Variants in DLEU7 observed in about 807,000 individuals in gnomAD.
DLEU7 encodes the protein leukemia-associated protein 7.
Under a neutral mutation model 16.0 loss-of-function variants are expected in DLEU7, and 17 were observed. That is an observed-to-expected ratio of 1.06 (90% CI 0.73 to 1.59). The LOEUF is 1.59. Among genes scored for constraint, DLEU7 ranks in the 40% most tolerant of loss-of-function variants. DLEU7 has a pLI of 0.00. For synonymous variants in DLEU7, 113 were observed against 139.8 expected (o/e 0.81, Z 1.35); for missense variants, 308 against 314.9 (o/e 0.98, Z 0.17).
chr13:50,722,837 C>T (rs1482464970), intron 1 of DLEU7, among the ~76,000 whole-genome samples: 2 of 152,184 alleles, frequency 1.3e-5, no homozygotes, highest in African/African-American at 4.8e-5. Context: ...TACAGAGATT[C>T]TGTGTACCCT....
chr13:50,778,810 G>A (rs9596363), intron 1 of DLEU7, among the ~76,000 whole-genome samples: 9,268 of 152,230 alleles, frequency 0.061, 834 homozygotes, highest in African/African-American at 0.19. Context: ...CCTATGAGCC[G>A]TGAATTTAAA....
intron 1 of DLEU7, among the ~76,000 whole-genome samples, chr13:50,762,189 C>CAAA (rs71085045): frequency 0.018 from 1,533 of 83,874 alleles, 40 homozygotes; most frequent in African/African-American, 0.059. Flanking sequence ...AGACTCGTCT[C>CAAA]AAAAAAAAAA....
downstream of DLEU7, among the ~76,000 whole-genome samples, chr13:50,820,854 C>T (rs1876881105): frequency 6.6e-6 from 1 of 152,070 alleles, no homozygotes; most frequent in Non-Finnish European, 1.5e-5. Flanking sequence ...CTTAACCCAA[C>T]ATATTCAAAA....
intron 1 of DLEU7, among the ~76,000 whole-genome samples, chr13:50,737,175 A>C (rs757943158): frequency 3.9e-5 from 6 of 152,182 alleles, no homozygotes; most frequent in Non-Finnish European, 8.8e-5. Flanking sequence ...GACATTTAAA[A>C]AGAAAAAACT....
Position 50,776,627 on chromosome 13 carries a change from A to T in DLEU7, c.460-63387T>A, listed in dbSNP as rs979137248. On this transcript the variant is annotated intron_variant, in intron 1 of 1. Coordinates refer to the DLEU7 transcript ENST00000400393. ...TAACCCAAGTCTCTTGGTCACTAAGACAGGAAACTACCTCACCCCCAAATC... is the reference window on the plus strand; with the variant it reads ...TAACCCAAGTCTCTTGGTCACTAAGTCAGGAAACTACCTCACCCCCAAATC... Among the ~76,000 whole-genome samples, 3 of 152,314 alleles carry T rather than the reference A, an allele frequency of 2.0e-5. No individual in the cohort carries two copies. The Middle Eastern group carries it at 0.01, about 518-fold the overall frequency.
intron 1 of DLEU7, among the ~76,000 whole-genome samples, chr13:50,827,180 T>C (rs1476643097): frequency 6.6e-6 from 1 of 152,158 alleles, no homozygotes; most frequent in Non-Finnish European, 1.5e-5. Context: ...GACGGTTCAT[T>C]TTGGAGCAAG....
chr13:50,790,757 A>G (rs1183720555), intron 1 of DLEU7, among the ~76,000 whole-genome samples: 1 of 152,144 alleles, frequency 6.6e-6, no homozygotes, highest in Non-Finnish European at 1.5e-5. Flanking sequence ...CAGGTGAGAC[A>G]ATAGAAGCCA....
At position 50,766,056 on chromosome 13, in the gene DLEU7, G is replaced by T. The variant is rs374230383; in HGVS notation, c.460-52816C>A. ...GGGTGGGGTGGAGAGAAAAGGATGC[G>T]TGTAGCTTTGCCTCAGCAAGTTTCA... On this transcript the variant is annotated intron_variant, in intron 1 of 1. Transcript: ENST00000400393. 3.9e-5 allele frequency among the ~76,000 whole-genome samples: 6 copies of T among 152,272 alleles called. No individual in the cohort carries two copies. In the South Asian group the frequency reaches 1.2e-3, roughly 32 times the overall value.
At chr13:50,724,980 T>C (rs1873727728) in intron 1 of DLEU7, among the ~76,000 whole-genome samples, 1 of 152,216 alleles carries the variant, frequency 6.6e-6, no homozygotes. Context: ...AAGGCCTTCC[T>C]ACCGCAGGTG....
upstream of DLEU7, chr13:50,843,830 C>A (rs1025964466): frequency 1.3e-6 from 1 of 765,406 alleles, no homozygotes; most frequent in Non-Finnish European, 1.9e-6. The surrounding 1 kb of genome is among the most constrained non-coding windows in gnomAD (Gnocchi z 5.7). Flanking sequence ...CCTCTGCCTT[C>A]GCCTGAAGTC....
intron 1 of DLEU7, among the ~76,000 whole-genome samples, chr13:50,813,489 A>G (rs910377311): frequency 6.6e-6 from 1 of 152,122 alleles, no homozygotes; most frequent in African/African-American, 2.4e-5. Context: ...AAATTATACA[A>G]ATTTCCCTCT....
intron 1 of DLEU7, among the ~76,000 whole-genome samples, chr13:50,771,586 C>G (rs1180804362): frequency 1.3e-5 from 2 of 152,216 alleles, no homozygotes; most frequent in Non-Finnish European, 1.5e-5. Flanking sequence ...GAGTGAGTTT[C>G]TTAATCCTGA....
intron 1 of DLEU7, among the ~76,000 whole-genome samples, chr13:50,756,428 A>T (rs1874759970): frequency 6.6e-6 from 1 of 152,184 alleles, no homozygotes; most frequent in East Asian, 1.9e-4. Context: ...TTCCCAGGTC[A>T]ATGGAGTTGT....
intron 1 of DLEU7, among the ~76,000 whole-genome samples, chr13:50,773,670 A>T (rs1266894839): frequency 1.3e-5 from 2 of 152,018 alleles, no homozygotes; most frequent in East Asian, 3.9e-4. Flanking sequence ...GCATCCAGCT[A>T]TATGAAGTGT....
intron 1 of DLEU7, chr13:50,713,260 A>G: frequency 6.2e-7 from 1 of 1,607,084 alleles, no homozygotes; most frequent in Non-Finnish European, 8.5e-7. Flanking sequence ...ATGTAGCATA[A>G]TATCTCAAAT....
intron 1 of DLEU7, among the ~76,000 whole-genome samples, chr13:50,741,270 G>A (rs1874243682): frequency 6.6e-6 from 1 of 152,154 alleles, no homozygotes; most frequent in Admixed American, 6.5e-5. Flanking sequence ...GAAGATGTAT[G>A]CCTAATCCTC....
chr13:50,791,461 A>G (rs1054216569), intron 1 of DLEU7, among the ~76,000 whole-genome samples: 1 of 152,172 alleles, frequency 6.6e-6, no homozygotes, highest in Non-Finnish European at 1.5e-5. Flanking sequence ...GAGCAGTCGG[A>G]ACAGGGTAGA....
At chr13:50,819,747 G>A (rs1475437284), downstream of DLEU7, among the ~76,000 whole-genome samples, 1 of 152,172 alleles carries the variant, frequency 6.6e-6, no homozygotes, top group African/African-American at 2.4e-5. Context: ...GCAGTCTTGG[G>A]AATCCATAAT....
chr13:50,729,542 T>C (rs1873861658), intron 1 of DLEU7, among the ~76,000 whole-genome samples: 1 of 152,108 alleles, frequency 6.6e-6, no homozygotes, highest in Non-Finnish European at 1.5e-5. Flanking sequence ...CTTTAGGTAT[T>C]TACCTAATAA....
Sources: allele counts gnomAD v4.1 joint callset (sites outside exome capture counted in the v4.1 genomes callset), GRCh38; gene constraint gnomAD v4.1.1; non-coding constraint Gnocchi (gnomAD v3.1); transcripts MANE v1.5; gene names NCBI Gene and HGNC (gene_info 2026-07-23, HGNC 2026-07-21).